Variants in MTUS2 observed in about 807,000 individuals in gnomAD.
The protein encoded by MTUS2 is microtubule associated scaffold protein 2.
Under a neutral mutation model 114.1 loss-of-function variants are expected in MTUS2, and 40 were observed. The observed-to-expected ratio is 0.35, with a 90% CI of 0.27 to 0.46. The LOEUF is 0.46. MTUS2 is among the 20% of genes least tolerant of loss of function. The pLI, the probability that MTUS2 is intolerant of heterozygous loss-of-function variation, is 1.00. For missense variants in MTUS2, 1,679 were observed against 1,705.4 expected (o/e 0.98, Z 0.27); for synonymous variants, 688 against 672.0 (o/e 1.02, Z -0.37).
At chr13:29,373,766 T>A (rs1316404703) in intron 8 of MTUS2, among the ~76,000 whole-genome samples, 1 of 152,214 alleles carries the variant, frequency 6.6e-6, no homozygotes, top group African/African-American at 2.4e-5. Flanking sequence ...TTCATTAGAT[T>A]TAAGCAAGGC....
intron 5 of MTUS2, among the ~76,000 whole-genome samples, chr13:29,249,752 A>T (rs1228605432): frequency 6.6e-6 from 1 of 152,134 alleles, no homozygotes; most frequent in Admixed American, 6.5e-5. Flanking sequence ...CCATTCCGGT[A>T]GGTTGCCTGT....
chr13:29,383,059 T>G (rs1459735874), intron 8 of MTUS2, among the ~76,000 whole-genome samples: 2 of 151,138 alleles, frequency 1.3e-5, no homozygotes, highest in Non-Finnish European at 3.0e-5. Flanking sequence ...TTTGATAATA[T>G]TGGGCCACAG....
At chr13:29,404,153 T>C (rs1197620159) in intron 8 of MTUS2, among the ~76,000 whole-genome samples, 1 of 142,078 alleles carries the variant, frequency 7.0e-6, no homozygotes, top group African/African-American at 2.7e-5. Flanking sequence ...CAGCCTGGCC[T>C]GCATGGTAAA....
At chr13:29,445,126 C>T (rs1359092388) in intron 9 of MTUS2, among the ~76,000 whole-genome samples, 1 of 152,208 alleles carries the variant, frequency 6.6e-6, no homozygotes, top group South Asian at 2.1e-4. Flanking sequence ...CTTGTGTCCT[C>T]ACACACTGGA....
chr13:29,075,874 T>C (rs1262002306), intron 4 of MTUS2, among the ~76,000 whole-genome samples: 1 of 152,196 alleles, frequency 6.6e-6, no homozygotes, highest in Non-Finnish European at 1.5e-5. Flanking sequence ...TTCAAACCTC[T>C]AACAAGTCCT....
chr13:28,950,725 A>G (rs887910418), intron 2 of MTUS2, among the ~76,000 whole-genome samples: 2 of 152,150 alleles, frequency 1.3e-5, no homozygotes, highest in Admixed American at 1.3e-4. Flanking sequence ...GTGCTCCCAA[A>G]ACAGTATAAT....
intron 8 of MTUS2, among the ~76,000 whole-genome samples, chr13:29,430,179 G>A (rs1372593351): frequency 6.6e-5 from 10 of 152,112 alleles, no homozygotes; most frequent in African/African-American, 2.4e-4. Context: ...ACAATAAAAG[G>A]GAAAGATTTG....
intron 4 of MTUS2, among the ~76,000 whole-genome samples, chr13:29,043,277 T>G (rs556114439): frequency 6.6e-6 from 1 of 152,300 alleles, no homozygotes; most frequent in South Asian, 2.1e-4. Flanking sequence ...TCCAGTTTTA[T>G]TCCACTGTAG....
At chr13:29,198,384 G>C (rs779737617) in intron 5 of MTUS2, among the ~76,000 whole-genome samples, 2 of 152,112 alleles carry the variant, frequency 1.3e-5, no homozygotes, top group South Asian at 2.1e-4. Flanking sequence ...GGTTGTAGAT[G>C]TGTGGCATTA....
chr13:29,498,397 C>T lies in MTUS2; in HGVS notation c.3679-21C>T, dbSNP rs760143325. ...TTGCCGGGAATCCTGGTCAACAGCT[C>T]ATGGCTCTCTGCCTCTGTAGATTGC... On this transcript the variant is annotated intron_variant, in intron 13 of 15. Transcript: ENST00000612955. 1.7e-5 allele frequency: 27 copies of T among 1,613,702 alleles called. No homozygotes were observed. The East Asian group carries it at 4.2e-4, about 25-fold the overall frequency.
At chr13:29,042,983 TGTTA>T (rs1887441892) in intron 4 of MTUS2, among the ~76,000 whole-genome samples, 1 of 152,120 alleles carries the variant, frequency 6.6e-6, no homozygotes, top group Non-Finnish European at 1.5e-5. Context: ...CTCTGATCTT[TGTTA>T]GTTCTTTTCT....
At position 29,487,939 on chromosome 13, in the gene MTUS2, G is replaced by A. The variant is rs866074699; in HGVS notation, c.3439G>A (p.Glu1147Lys). ...CGCCAGCCATGATGCTGCTCTCCTAGAGATGGAAAATAACCACACAGTTGC... is the reference window on the plus strand; with the variant it reads ...CGCCAGCCATGATGCTGCTCTCCTAAAGATGGAAAATAACCACACAGTTGC... ...LTASHDAALL[E>K]MENNHTVAIT... is the part of the protein sequence containing the mutation. The change falls in exon 11 of 16, where the codon GAG (glutamate) becomes AAG (lysine). Residue 1147 changes from glutamate to lysine, a missense_variant. This residue lies in a region of MTUS2 where 822 missense variants were observed against 899.7 expected (regional missense o/e 0.91). Coordinates refer to ENST00000612955, the MANE Select transcript of MTUS2 (RefSeq NM_001033602.4). 2.5e-6 allele frequency: 4 copies of A among 1,614,000 alleles called. No homozygotes were observed. Among genetic ancestry groups the A allele is most frequent in the Non-Finnish European group, 3.4e-6 (4 of 1,180,036 alleles).
intron 4 of MTUS2, among the ~76,000 whole-genome samples, chr13:29,075,996 CCTGGAAAT>C (rs369764311): frequency 4.6e-5 from 7 of 152,130 alleles, no homozygotes; most frequent in African/African-American, 1.7e-4. Flanking sequence ...CAAAACTCTA[CCTGGAAAT>C]CTGGAAATCT....
At position 29,012,648 on chromosome 13, in the gene MTUS2, C is replaced by T. The variant is rs552904652; in HGVS notation, c.-242-11809C>T. Among the ~76,000 whole-genome samples the T allele has an allele frequency of 2.0e-4, 30 of 151,936 alleles. No homozygotes were observed. The South Asian group carries it at 3.3e-3, about 17-fold the overall frequency. On this transcript the variant is annotated intron_variant, in intron 2 of 15. Transcript: ENST00000612955. The stretch of plus-strand genomic sequence containing the variant: ...CAGCACTTTGGGAGGCCGAGGCGGG[C>T]GGATCACGAGGTCAGGAGATTGAGA...
chr13:29,463,381 C>G (rs1437776548), intron 9 of MTUS2, among the ~76,000 whole-genome samples: 2 of 152,176 alleles, frequency 1.3e-5, no homozygotes, highest in Non-Finnish European at 2.9e-5. Context: ...AGAGAGGTCA[C>G]AGGTCCAAGA....
chr13:29,407,679 A>G (rs1343052232), intron 8 of MTUS2, among the ~76,000 whole-genome samples: 1 of 151,856 alleles, frequency 6.6e-6, no homozygotes, highest in Non-Finnish European at 1.5e-5. Flanking sequence ...GGGTTTCACC[A>G]TGTTGGCCAG....
At chr13:29,293,456 T>G (rs555382528) in intron 6 of MTUS2, among the ~76,000 whole-genome samples, 58 of 152,148 alleles carry the variant, frequency 3.8e-4, no homozygotes, top group Non-Finnish European at 6.0e-4. Context: ...CCAGCGTTGG[T>G]AAGAATGTGG....
At chr13:29,441,783 GCA>G (rs1170376687) in intron 9 of MTUS2, among the ~76,000 whole-genome samples, 5 of 152,200 alleles carry the variant, frequency 3.3e-5, no homozygotes, top group South Asian at 2.1e-4. Context: ...GTACATGTGT[GCA>G]CACACACATG....
chr13:28,957,870 G>A (rs889094312), intron 2 of MTUS2, among the ~76,000 whole-genome samples: 1 of 152,162 alleles, frequency 6.6e-6, no homozygotes, highest in South Asian at 2.1e-4. Context: ...GCCAGGAATT[G>A]GTTCTATTTG....
Sources: allele counts gnomAD v4.1 joint callset (sites outside exome capture counted in the v4.1 genomes callset), GRCh38; gene constraint gnomAD v4.1.1; regional missense constraint gnomAD v4.1.1; transcripts MANE v1.5; gene names NCBI Gene and HGNC (gene_info 2026-07-23, HGNC 2026-07-21).